Variants in ERG observed in about 807,000 individuals in gnomAD.
ERG encodes transcriptional regulator ERG.
In ERG, 9 loss-of-function variants were observed where a neutral mutation model predicts 55.3. The observed-to-expected ratio is 0.16, with a 90% CI of 0.10 to 0.28. ERG has a LOEUF of 0.28. Among genes scored for constraint, ERG ranks in the 10% least tolerant of loss-of-function variants. The pLI is 1.00. For missense variants in ERG, 434 were observed against 631.6 expected, an observed-to-expected ratio of 0.69 and a Z score of 3.35; for synonymous variants, 223 against 237.3, an observed-to-expected ratio of 0.94 and a Z score of 0.55.
At chr21:38,583,598 C>T (rs1264864560) in intron 1 of ERG, among the ~76,000 whole-genome samples, 2 of 152,200 alleles carry the variant, frequency 1.3e-5, no homozygotes, top group African/African-American at 4.8e-5. Flanking sequence ...TCAATTCTCT[C>T]CCCCAGTTCA....
chr21:38,582,530 G>GT (rs1306218447), intron 1 of ERG, among the ~76,000 whole-genome samples: 3 of 152,232 alleles, frequency 2.0e-5, no homozygotes, highest in African/African-American at 7.2e-5. Context: ...GAGTTGGCCT[G>GT]TATCTATTCT....
chr21:38,406,154 C>CAGAAAAAAAAAAAAAA (rs1988758594), intron 3 of ERG, among the ~76,000 whole-genome samples: 1 of 95,080 alleles, frequency 1.1e-5, no homozygotes, highest in African/African-American at 4.1e-5. Context: ...GACTCCATCT[C>CAGAAAAAAAAAAAAAA]AAAAAAAAAA....
intron 2 of ERG, among the ~76,000 whole-genome samples, chr21:38,567,581 G>A (rs942314959): frequency 1.3e-5 from 2 of 152,154 alleles, no homozygotes; most frequent in African/African-American, 2.4e-5. Flanking sequence ...CAGACTTTGG[G>A]GGCGGGGGAA....
chr21:38,613,318 C>T (rs930462731), intron 1 of ERG, among the ~76,000 whole-genome samples: 1 of 152,216 alleles, frequency 6.6e-6, no homozygotes, highest in African/African-American at 2.4e-5. Context: ...TTCCAGTCTA[C>T]AGTTGACATG....
chr21:38,449,702 C>T (rs2058923260), intron 1 of ERG, among the ~76,000 whole-genome samples: 2 of 152,152 alleles, frequency 1.3e-5, no homozygotes, highest in African/African-American at 2.4e-5. Context: ...TTGCAAGATG[C>T]CTATTTCTCA....
chr21:38,545,749 T>C (rs1341211775), intron 2 of ERG, among the ~76,000 whole-genome samples: 2 of 152,238 alleles, frequency 1.3e-5, no homozygotes, highest in African/African-American at 2.4e-5. Context: ...TGGCTTCTAC[T>C]GAGCTCCACT....
At chr21:38,501,280 G>A (rs1432515649), upstream of ERG, among the ~76,000 whole-genome samples, 1 of 151,374 alleles carries the variant, frequency 6.6e-6, no homozygotes, top group East Asian at 1.9e-4. Context: ...TATTAGCCAG[G>A]ATGGTCTCGA....
chr21:38,536,824 C>G (rs1459320141), intron 2 of ERG, among the ~76,000 whole-genome samples: 1 of 152,150 alleles, frequency 6.6e-6, no homozygotes, highest in East Asian at 1.9e-4. Flanking sequence ...TAAGTCTTCG[C>G]ATAACCAAAA....
chr21:38,407,892 T>C (rs1026055435), intron 3 of ERG, among the ~76,000 whole-genome samples: 1 of 146,832 alleles, frequency 6.8e-6, no homozygotes, highest in African/African-American at 2.5e-5. Flanking sequence ...ATAATATATA[T>C]AGAATATATA....
At chr21:38,444,065 T>C (rs760770454) in intron 2 of ERG, among the ~76,000 whole-genome samples, 1 of 152,212 alleles carries the variant, frequency 6.6e-6, no homozygotes, top group Non-Finnish European at 1.5e-5. Context: ...CCGTTGACAT[T>C]CCCTCTAGGA....
upstream of ERG, among the ~76,000 whole-genome samples, chr21:38,501,273 T>C (rs1175060482): frequency 1.3e-5 from 2 of 151,908 alleles, no homozygotes; most frequent in South Asian, 2.1e-4. Flanking sequence ...TTCACCATAT[T>C]AGCCAGGATG....
intron 2 of ERG, among the ~76,000 whole-genome samples, chr21:38,530,742 A>G (rs796182221): frequency 1.3e-5 from 2 of 152,312 alleles, no homozygotes; most frequent in African/African-American, 4.8e-5. Flanking sequence ...ATTTGATTTC[A>G]ATAGGACTCA....
At chr21:38,518,906 A>G (rs8134689) in intron 2 of ERG, among the ~76,000 whole-genome samples, 20,968 of 152,206 alleles carry the variant, frequency 0.14, 1,915 homozygotes, top group Admixed American at 0.21. Context: ...TACTATTCAT[A>G]TCCAGAATAT....
At position 38,581,004 on chromosome 21, in the gene ERG, A is replaced by G. The variant is rs552547108; in HGVS notation, c.-127+3840T>C. 9.2e-5 allele frequency among the ~76,000 whole-genome samples: 14 copies of G among 152,338 alleles called. No individual in the cohort carries two copies. The East Asian group carries it at 2.5e-3, about 27-fold the overall frequency. ...CGATCCACATGGCCACACTCCATTC[A>G]GCAATGCTCCCTGCTCATCTTTCAG... On this transcript the variant is annotated intron_variant, in intron 1 of 8. Coordinates refer to the ERG transcript ENST00000398897.
chr21:38,451,437 T>C (rs1007545247), intron 1 of ERG, among the ~76,000 whole-genome samples: 7 of 152,236 alleles, frequency 4.6e-5, no homozygotes, highest in Non-Finnish European at 1.0e-4. Flanking sequence ...TGCAGGTGGA[T>C]GCCTGCCTTC....
At chr21:38,607,590 C>T (rs995834719) in intron 1 of ERG, among the ~76,000 whole-genome samples, 5 of 151,818 alleles carry the variant, frequency 3.3e-5, no homozygotes, top group African/African-American at 7.3e-5. Context: ...GCCCAGATTG[C>T]GCTGCACCAC....
At chr21:38,482,602 T>C (rs1319953020) in intron 1 of ERG, among the ~76,000 whole-genome samples, 1 of 152,002 alleles carries the variant, frequency 6.6e-6, no homozygotes, top group East Asian at 1.9e-4. Flanking sequence ...AGCCAAGATA[T>C]GAAAGGAACC....
At chr21:38,624,537 C>T (rs1164114373) in intron 1 of ERG, among the ~76,000 whole-genome samples, 1 of 152,230 alleles carries the variant, frequency 6.6e-6, no homozygotes, top group Non-Finnish European at 1.5e-5. Flanking sequence ...CATGCACCAG[C>T]TCTGCTGGGA....
At chr21:38,448,367 C>A (rs1462315857) in intron 1 of ERG, among the ~76,000 whole-genome samples, 2 of 152,068 alleles carry the variant, frequency 1.3e-5, no homozygotes, top group Non-Finnish European at 2.9e-5. Context: ...GAAAGCAACC[C>A]CTCAGTTGCT....
Sources: gnomAD v4.1 joint callset for allele counts (sites outside exome capture counted in the v4.1 genomes callset) on GRCh38, gnomAD v4.1.1 for gene constraint, MANE v1.5 for transcripts, NCBI Gene and HGNC (gene_info 2026-07-23, HGNC 2026-07-21) for gene names.